The following GPR55 variants were observed in gnomAD, a reference collection of about 807,000 sequenced individuals.
The protein encoded by GPR55 is G-protein coupled receptor 55.
In GPR55, 6 loss-of-function variants were observed where a neutral mutation model predicts 7.9. That is an observed-to-expected ratio of 0.76 (90% CI 0.41 to 1.49). GPR55 has a LOEUF of 1.49. Among genes scored for constraint, GPR55 ranks in the 40% most tolerant of loss-of-function variants. GPR55 has a pLI of 0.01. For synonymous variants in GPR55, 183 were observed against 166.8 expected (o/e 1.10, Z -0.75); for missense variants, 376 against 406.0 (o/e 0.93, Z 0.63).
rs936308068 is a variant in GPR55, at chr2:230,944,575, C to T, written c.-135+16200G>A. 6.6e-6 allele frequency among the ~76,000 whole-genome samples: 1 copy of T among 152,054 alleles called. No individual in the cohort carries two copies. ...AGAATGCCGTGTCTCTGGGAGCCCC[C>T]GGAGAATGACTCAACAGTGACGTCC... On this transcript the variant is annotated intron_variant, in intron 1 of 1. Coordinates refer to the GPR55 transcript ENST00000392039. The surrounding 1 kb of genome is among the most constrained non-coding windows in gnomAD (Gnocchi z 4.2).
chr2:230,957,520 G>A, intron 1 of GPR55: 1 of 364,398 alleles, frequency 2.7e-6, no homozygotes, highest in Middle Eastern at 1.0e-3. Flanking sequence ...GACGGGGAGG[G>A]GCGCGGCTGG....
At chr2:230,947,316 C>A (rs1019104839) in intron 1 of GPR55, among the ~76,000 whole-genome samples, 3 of 152,170 alleles carry the variant, frequency 2.0e-5, no homozygotes, top group Admixed American at 2.0e-4. Flanking sequence ...CTTGGACGTG[C>A]ACCAGCCAAC....
intron 1 of GPR55, among the ~76,000 whole-genome samples, chr2:230,938,886 GTAAACAACTCC>G (rs1398798055): frequency 6.6e-6 from 1 of 152,190 alleles, no homozygotes; most frequent in African/African-American, 2.4e-5. Flanking sequence ...CTGGGTCTCG[GTAAACAACTCC>G]AGGAGGGCCT....
At chr2:230,935,174 G>A (rs938164612) in intron 1 of GPR55, among the ~76,000 whole-genome samples, 1 of 152,134 alleles carries the variant, frequency 6.6e-6, no homozygotes, top group South Asian at 2.1e-4. Flanking sequence ...GGCTCCTGGC[G>A]CTGTGGTCAG....
At chr2:230,939,762 T>G (rs892143713) in intron 1 of GPR55, among the ~76,000 whole-genome samples, 21 of 151,844 alleles carry the variant, frequency 1.4e-4, no homozygotes, top group Non-Finnish European at 2.8e-4. Context: ...GGTGAGGAGA[T>G]AGTGTGGAAG....
In GPR55 at chr2:230,944,913, C is replaced by G. The variant is rs536650011; in HGVS notation, c.-135+15862G>C. Among the ~76,000 whole-genome samples, 1 of 152,280 alleles carries G rather than the reference C, an allele frequency of 6.6e-6. No individual in the cohort carries two copies. The highest frequency in any genetic ancestry group is 1.5e-5 in the Non-Finnish European group (1 of 68,020). On this transcript the variant is annotated intron_variant, in intron 1 of 1. Coordinates refer to the GPR55 transcript ENST00000392039. The surrounding 1 kb of genome is among the most constrained non-coding windows in gnomAD (Gnocchi z 4.2). ...GGCGCTGCGCTAGGCCCTGCAGATG[C>G]GACAACGAACGTAGATGCTGTCCCA...
intron 1 of GPR55, among the ~76,000 whole-genome samples, chr2:230,912,267 C>T (rs1690610172): frequency 6.6e-6 from 1 of 152,110 alleles, no homozygotes; most frequent in East Asian, 1.9e-4. Flanking sequence ...GCGGCCAGGT[C>T]CTGCCGTGAG....
intron 1 of GPR55, among the ~76,000 whole-genome samples, chr2:230,913,969 TTGTC>T (rs1461570132): frequency 6.6e-6 from 1 of 152,198 alleles, no homozygotes; most frequent in African/African-American, 2.4e-5. Flanking sequence ...ACATCTGTCT[TTGTC>T]TGGGTCACAC....
chr2:230,943,337 C>T (rs914050140), intron 1 of GPR55, among the ~76,000 whole-genome samples: 2 of 152,208 alleles, frequency 1.3e-5, no homozygotes, highest in African/African-American at 4.8e-5. Flanking sequence ...AGAGCAGCCC[C>T]TCCTTCCTGT....
chr2:230,932,068 A>G (rs1559175551), intron 1 of GPR55, among the ~76,000 whole-genome samples: 3 of 152,080 alleles, frequency 2.0e-5, no homozygotes, highest in Non-Finnish European at 1.5e-5. Flanking sequence ...TCACAGAAAA[A>G]AATCTCGGTT....
intron 1 of GPR55, among the ~76,000 whole-genome samples, chr2:230,959,848 C>G (rs1691542720): frequency 1.3e-5 from 2 of 152,160 alleles, no homozygotes; most frequent in Admixed American, 1.3e-4. Flanking sequence ...TATACACTTA[C>G]CTGTATTTCC....
At chr2:230,913,760 A>G (rs1478824103) in intron 1 of GPR55, among the ~76,000 whole-genome samples, 3 of 152,236 alleles carry the variant, frequency 2.0e-5, no homozygotes. Context: ...GCAAATTTCA[A>G]AAATGATGAG....
At chr2:230,957,967 A>G in intron 1 of GPR55, 1 of 446,744 alleles carries the variant, frequency 2.2e-6, no homozygotes, top group Non-Finnish European at 4.5e-6. Flanking sequence ...AATCTTGAGC[A>G]TAGAAATCAG....
chr2:230,937,947 G>A (rs1691158536), intron 1 of GPR55, among the ~76,000 whole-genome samples: 1 of 151,886 alleles, frequency 6.6e-6, no homozygotes, highest in Non-Finnish European at 1.5e-5. Flanking sequence ...TTGAGCTCAG[G>A]AGTTTGAGAC....
intron 1 of GPR55, among the ~76,000 whole-genome samples, chr2:230,940,074 C>A (rs1691200923): frequency 6.6e-6 from 1 of 152,168 alleles, no homozygotes; most frequent in African/African-American, 2.4e-5. Flanking sequence ...CGTGGCCCCC[C>A]TGGAGTCCTG....
intron 1 of GPR55, among the ~76,000 whole-genome samples, chr2:230,952,009 C>G (rs995043350): frequency 1.3e-5 from 2 of 151,996 alleles, no homozygotes; most frequent in Non-Finnish European, 2.9e-5. Context: ...TCAAACCATC[C>G]TCCTGCCTCA....
chr2:230,939,484 T>G (rs1691186183), intron 1 of GPR55, among the ~76,000 whole-genome samples: 1 of 152,196 alleles, frequency 6.6e-6, no homozygotes, highest in African/African-American at 2.4e-5. Flanking sequence ...GCCCATTTTG[T>G]TGCCCTGAGA....
At chr2:230,933,732 C>A (rs931654424) in intron 1 of GPR55, among the ~76,000 whole-genome samples, 1 of 152,238 alleles carries the variant, frequency 6.6e-6, no homozygotes, top group South Asian at 2.1e-4. Flanking sequence ...GCATTCCCCA[C>A]TCCTGGAAGT....
intron 1 of GPR55, among the ~76,000 whole-genome samples, chr2:230,949,897 C>T (rs1472728398): frequency 6.6e-6 from 1 of 152,004 alleles, no homozygotes; most frequent in Admixed American, 6.5e-5. Context: ...TACAGTGGCA[C>T]AATCTCGGCT....
Sources: allele counts gnomAD v4.1 joint callset (sites outside exome capture counted in the v4.1 genomes callset), GRCh38; gene constraint gnomAD v4.1.1; non-coding constraint Gnocchi (gnomAD v3.1); transcripts MANE v1.5; gene names NCBI Gene and HGNC (gene_info 2026-07-23, HGNC 2026-07-21).